Variants in COL8A1 observed in about 807,000 individuals in gnomAD.
COL8A1 encodes collagen type VIII alpha 1 chain, also known as collagen alpha-1(VIII) chain.
COL8A1 carries 21 observed loss-of-function variants against 42.7 expected under a neutral mutation model. That is an observed-to-expected ratio of 0.49 (90% CI 0.35 to 0.71). The LOEUF (loss-of-function observed/expected upper bound fraction) is 0.71. Among genes scored for constraint, COL8A1 ranks in the 30% least tolerant of loss-of-function variants. The pLI is 0.01. For synonymous variants in COL8A1, 367 were observed against 369.1 expected (o/e 0.99, Z 0.06); for missense variants, 788 against 962.4 (o/e 0.82, Z 2.40).
At chr3:99,728,661 T>C (rs747431194) in intron 1 of COL8A1, among the ~76,000 whole-genome samples, 2 of 151,996 alleles carry the variant, frequency 1.3e-5, no homozygotes, top group Non-Finnish European at 2.9e-5. Flanking sequence ...TCACTGGCCA[T>C]CTTAGCTTAC....
chr3:99,715,192 T>C (rs1048067164), intron 1 of COL8A1, among the ~76,000 whole-genome samples: 1 of 151,950 alleles, frequency 6.6e-6, no homozygotes, highest in Admixed American at 6.6e-5. Context: ...TTGTAATGAA[T>C]CTATATGGCT....
intron 1 of COL8A1, among the ~76,000 whole-genome samples, chr3:99,706,514 T>C (rs1939683687): frequency 6.6e-6 from 1 of 152,196 alleles, no homozygotes; most frequent in African/African-American, 2.4e-5. Context: ...TAAAAAGAGT[T>C]CCAGCACTAG....
intron 2 of COL8A1, among the ~76,000 whole-genome samples, chr3:99,785,513 G>A (rs191530874): frequency 1.3e-5 from 2 of 152,310 alleles, no homozygotes; most frequent in African/African-American, 2.4e-5. Context: ...CTTCACAGAG[G>A]AGGCAGGAAT....
In COL8A1 at chr3:99,795,842, C is replaced by T. The variant is rs1444953499; in HGVS notation, c.1941C>T (p.Asn647=). The change falls in exon 4 of 4, where the codon AAC becomes AAT. Residue 647 remains asparagine, a synonymous_variant. Transcript: ENST00000652472. Reference sequence around the variant, plus strand: ...TGTATAACGGCAGACAGAACTACAACCCGCAGACAGGCATCTTCACCTGTG... The same window carrying T: ...TGTATAACGGCAGACAGAACTACAATCCGCAGACAGGCATCTTCACCTGTG... ...KLLYNGRQNY[N]PQTGIFTCEV... is the part of the protein sequence containing the mutation. 1 of 1,614,076 alleles carries T rather than the reference C, an allele frequency of 6.2e-7. No individual in the cohort carries two copies. Among genetic ancestry groups the T allele is most frequent in the Non-Finnish European group, 8.5e-7 (1 of 1,180,034 alleles).
At chr3:99,659,026 C>T (rs150666791) in intron 1 of COL8A1, among the ~76,000 whole-genome samples, 8 of 152,252 alleles carry the variant, frequency 5.3e-5, no homozygotes, top group Non-Finnish European at 1.0e-4. Context: ...GTGATTCTTA[C>T]GCATCCTAAG....
intron 2 of COL8A1, among the ~76,000 whole-genome samples, chr3:99,760,820 C>G (rs922138892): frequency 1.3e-5 from 2 of 152,180 alleles, no homozygotes; most frequent in African/African-American, 4.8e-5. Flanking sequence ...AGAGGGTAGG[C>G]AGCCAAAAAG....
At chr3:99,778,839 G>A (rs982141135) in intron 2 of COL8A1, among the ~76,000 whole-genome samples, 3 of 152,108 alleles carry the variant, frequency 2.0e-5, no homozygotes, top group African/African-American at 7.2e-5. Flanking sequence ...GGGTAGGCAG[G>A]ATGAAAATGG....
At chr3:99,709,646 A>G (rs887025735) in intron 1 of COL8A1, among the ~76,000 whole-genome samples, 4 of 152,172 alleles carry the variant, frequency 2.6e-5, no homozygotes, top group African/African-American at 9.7e-5. Context: ...TTAACCAAAA[A>G]CTAGTACCCA....
chr3:99,720,047 C>G (rs1437007918), intron 1 of COL8A1, among the ~76,000 whole-genome samples: 3 of 152,016 alleles, frequency 2.0e-5, no homozygotes, highest in African/African-American at 7.2e-5. Context: ...AGACACAGAC[C>G]CATCTTTGTG....
chr3:99,704,205 C>T (rs1267866534), intron 1 of COL8A1, among the ~76,000 whole-genome samples: 2 of 151,860 alleles, frequency 1.3e-5, no homozygotes, highest in East Asian at 1.9e-4. Flanking sequence ...ATTTTTTTCT[C>T]GTTCACTTTT....
At chr3:99,739,367 C>G (rs1446461092) in intron 1 of COL8A1, among the ~76,000 whole-genome samples, 5 of 152,232 alleles carry the variant, frequency 3.3e-5, no homozygotes, top group South Asian at 2.1e-4. Context: ...CTTCTCACAG[C>G]TCCACCAGGC....
intron 1 of COL8A1, among the ~76,000 whole-genome samples, 156 bp downstream of exon 1, chr3:99,638,820 T>G (rs1937446547): frequency 6.6e-6 from 1 of 152,174 alleles, no homozygotes; most frequent in Admixed American, 6.5e-5. Flanking sequence ...GAAAACAAAC[T>G]TCTGTTTGAA....
At chr3:99,765,622 A>G (rs1365997435) in intron 2 of COL8A1, among the ~76,000 whole-genome samples, 1 of 152,186 alleles carries the variant, frequency 6.6e-6, no homozygotes, top group Non-Finnish European at 1.5e-5. Flanking sequence ...CTTATTCTAC[A>G]TCTAGTTCTA....
chr3:99,642,551 A>G (rs987248708), intron 1 of COL8A1, among the ~76,000 whole-genome samples: 1 of 152,208 alleles, frequency 6.6e-6, no homozygotes, highest in Admixed American at 6.5e-5. Flanking sequence ...ACACCTGACA[A>G]TTCACCTTCG....
intron 2 of COL8A1, among the ~76,000 whole-genome samples, chr3:99,752,571 C>CT (rs755305244): frequency 6.6e-6 from 1 of 152,054 alleles, no homozygotes; most frequent in Non-Finnish European, 1.5e-5. Flanking sequence ...GTTTTTTCCT[C>CT]TTACCTGCGT....
intron 1 of COL8A1, among the ~76,000 whole-genome samples, chr3:99,654,131 A>C (rs1937939410): frequency 6.6e-6 from 1 of 152,168 alleles, no homozygotes; most frequent in African/African-American, 2.4e-5. Context: ...GGCAGAAAGC[A>C]TCCAACACAG....
intron 1 of COL8A1, among the ~76,000 whole-genome samples, chr3:99,652,840 C>T (rs1240946470): frequency 1.3e-5 from 2 of 152,134 alleles, no homozygotes; most frequent in Non-Finnish European, 2.9e-5. Flanking sequence ...TTTAAATCCC[C>T]CTTTTTATTT....
At chr3:99,696,385 G>A (rs1202361071) in intron 1 of COL8A1, among the ~76,000 whole-genome samples, 3 of 152,148 alleles carry the variant, frequency 2.0e-5, no homozygotes. Flanking sequence ...ATCCTCAAGG[G>A]CAGGAAGGAT....
At position 99,772,550 on chromosome 3, in the gene COL8A1, G is replaced by C. The variant is rs1941600859; in HGVS notation, c.-3-18130G>C. ...TAATGGGGGAGGTTGTGCCAGTGTG[G>C]GGGTAGGAGGAATATATGGGAACTT... On this transcript the variant is annotated intron_variant, in intron 2 of 3. Coordinates refer to ENST00000652472, the MANE Select transcript of COL8A1 (RefSeq NM_020351.4). 2.6e-5 allele frequency among the ~76,000 whole-genome samples: 4 copies of C among 152,114 alleles called. No individual in the cohort carries two copies. The South Asian group carries it at 8.3e-4, about 32-fold the overall frequency.
Sources: allele counts gnomAD v4.1 joint callset (sites outside exome capture counted in the v4.1 genomes callset), GRCh38; gene constraint gnomAD v4.1.1; transcripts MANE v1.5; gene names NCBI Gene and HGNC (gene_info 2026-07-23, HGNC 2026-07-21).